MGMT: variants seen among roughly 807,000 people sequenced by gnomAD.
The protein encoded by MGMT is methylated-DNA--protein-cysteine methyltransferase.
Under a neutral mutation model 15.9 loss-of-function variants are expected in MGMT, and 14 were observed. The observed-to-expected ratio is 0.88, with a 90% CI of 0.58 to 1.37. The LOEUF is 1.37. MGMT is among the 40% of genes most tolerant of loss of function. The pLI is 0.00. For missense variants in MGMT, 282 were observed against 268.1 expected (o/e 1.05, Z -0.36); for synonymous variants, 130 against 118.2 (o/e 1.10, Z -0.65).
intron 2 of MGMT, among the ~76,000 whole-genome samples, chr10:129,705,705 A>G (rs534187107): frequency 2.6e-5 from 4 of 152,326 alleles, no homozygotes; most frequent in South Asian, 4.1e-4. Flanking sequence ...ACAGCCTCCA[A>G]TTCTGTGATA....
intron 1 of MGMT, among the ~76,000 whole-genome samples, chr10:129,491,886 T>G (rs1477337574): frequency 6.6e-6 from 1 of 152,214 alleles, no homozygotes; most frequent in Non-Finnish European, 1.5e-5. Flanking sequence ...ATTGTAATTA[T>G]TTTACACTTC....
At chr10:129,624,867 A>G (rs1167788359) in intron 2 of MGMT, among the ~76,000 whole-genome samples, 3 of 152,234 alleles carry the variant, frequency 2.0e-5, no homozygotes, top group African/African-American at 7.2e-5. Flanking sequence ...TGAAGCGGCT[A>G]TGTAAACGTG....
At chr10:129,750,365 A>C (rs779385312) in intron 3 of MGMT, among the ~76,000 whole-genome samples, 3 of 152,126 alleles carry the variant, frequency 2.0e-5, no homozygotes, top group Non-Finnish European at 4.4e-5. Flanking sequence ...TTAAAAGACT[A>C]TGCTTTCTCC....
chr10:129,699,161 T>G (rs1171835863), intron 2 of MGMT, among the ~76,000 whole-genome samples: 2 of 152,228 alleles, frequency 1.3e-5, no homozygotes, highest in Non-Finnish European at 2.9e-5. Flanking sequence ...TTTAATGATT[T>G]GAACATTTGG....
At chr10:129,486,408 C>T (rs574171848) in intron 1 of MGMT, among the ~76,000 whole-genome samples, 11 of 152,164 alleles carry the variant, frequency 7.2e-5, no homozygotes, top group Admixed American at 2.6e-4. Context: ...AGGCTATTCT[C>T]GAACTCTTGA....
At chr10:129,522,515 T>C (rs1845825189) in intron 1 of MGMT, among the ~76,000 whole-genome samples, 1 of 152,204 alleles carries the variant, frequency 6.6e-6, no homozygotes, top group South Asian at 2.1e-4. Flanking sequence ...AAGGGTTTGG[T>C]TGTTGAACCT....
intron 2 of MGMT, among the ~76,000 whole-genome samples, chr10:129,706,029 G>A (rs1162294634): frequency 3.3e-5 from 5 of 152,198 alleles, no homozygotes; most frequent in Non-Finnish European, 7.3e-5. Flanking sequence ...TGTTCTTACT[G>A]CTGCAGCCCT....
chr10:129,637,523 G>C (rs977309537), intron 2 of MGMT, among the ~76,000 whole-genome samples: 1 of 152,216 alleles, frequency 6.6e-6, no homozygotes, highest in Non-Finnish European at 1.5e-5. Flanking sequence ...TGAGGTAAGA[G>C]ATCTGCCTAG....
At chr10:129,491,321 CTTA>C (rs1035608394) in intron 1 of MGMT, among the ~76,000 whole-genome samples, 1 of 152,116 alleles carries the variant, frequency 6.6e-6, no homozygotes, top group African/African-American at 2.4e-5. Flanking sequence ...AGCTGTCAGT[CTTA>C]TTGTTGCACT....
chr10:129,721,652 C>T (rs1459646338), intron 3 of MGMT, among the ~76,000 whole-genome samples: 1 of 152,148 alleles, frequency 6.6e-6, no homozygotes. Context: ...AATGGAAATA[C>T]ATTGTTCTAA....
chr10:129,607,789 A>G (rs935831400), intron 2 of MGMT, among the ~76,000 whole-genome samples: 4 of 152,228 alleles, frequency 2.6e-5, no homozygotes, highest in African/African-American at 9.6e-5. Context: ...TTAGAAATAT[A>G]TCTGATGTTG....
intron 2 of MGMT, among the ~76,000 whole-genome samples, chr10:129,576,427 A>G (rs1466262370): frequency 2.0e-5 from 3 of 152,238 alleles, no homozygotes; most frequent in Non-Finnish European, 4.4e-5. Context: ...AGAACCAAAG[A>G]CAAAAACCAC....
chr10:129,668,898 A>G (rs1043347202), intron 2 of MGMT, among the ~76,000 whole-genome samples: 10 of 152,304 alleles, frequency 6.6e-5, no homozygotes, highest in East Asian at 3.9e-4. Flanking sequence ...TAAACATATT[A>G]TAGTCCTCCA....
intron 2 of MGMT, among the ~76,000 whole-genome samples, chr10:129,606,258 A>G (rs1846889351): frequency 6.6e-6 from 1 of 152,220 alleles, no homozygotes; most frequent in African/African-American, 2.4e-5. Flanking sequence ...ACGTGAGCAC[A>G]TCCTGCCTGC....
intron 2 of MGMT, among the ~76,000 whole-genome samples, chr10:129,589,332 C>T (rs188320874): frequency 1.5e-3 from 234 of 152,290 alleles, no homozygotes; most frequent in African/African-American, 5.1e-3. Context: ...CCCTTCATCA[C>T]GGGAGTGTGG....
chr10:129,569,362 G>A (rs1408965259), intron 2 of MGMT, among the ~76,000 whole-genome samples: 1 of 152,188 alleles, frequency 6.6e-6, no homozygotes, highest in Non-Finnish European at 1.5e-5. Context: ...TAGCCTGCGA[G>A]TGGCTCAGGC....
chr10:129,661,279 A>G (rs981632213), intron 2 of MGMT, among the ~76,000 whole-genome samples: 2 of 151,954 alleles, frequency 1.3e-5, no homozygotes, highest in Non-Finnish European at 2.9e-5. Context: ...GCTGTGTGCA[A>G]GTATTTCTGT....
rs979665684 is a variant in MGMT at position 129,520,891 on chromosome 10, A to T, written c.-12-15350A>T. Among the ~76,000 whole-genome samples, 46 of 151,238 alleles carry T rather than the reference A, an allele frequency of 3.0e-4. 2 individuals are homozygous for T. Among genetic ancestry groups the T allele is most frequent in the African/African-American group, 1.1e-3 (46 of 41,086 alleles). Reference sequence around the variant, plus strand: ...TACAGAGCCCCTACAGTGCGGGTGCAGAGCCCCTATGGTGTGCATACAGAA... The same window carrying T: ...TACAGAGCCCCTACAGTGCGGGTGCTGAGCCCCTATGGTGTGCATACAGAA... On this transcript the variant is annotated intron_variant, in intron 1 of 4. Transcript: ENST00000651593.
In MGMT at chr10:129,766,899, T is replaced by A. The variant is rs61752719; in HGVS notation, c.526T>A (p.Leu176Met). 1.9e-6 allele frequency: 3 copies of A among 1,613,368 alleles called. No homozygotes were observed. Among genetic ancestry groups the A allele is most frequent in the Admixed American group, 1.7e-5 (1 of 60,002 alleles). ...GCTTCTGGCCCATGAAGGCCACCGG[T>A]TGGGGAAGCCAGGCTTGGGAGGGAG... ...EWLLAHEGHRLGKPGLGGSSG... is the reference protein window; with the variant it reads ...EWLLAHEGHRMGKPGLGGSSG... The change falls in exon 5 of 5, where the codon TTG (leucine) becomes ATG (methionine). Residue 176 changes from leucine (L) to methionine (M), a missense_variant. By Grantham distance (15) the Leu-to-Met change is conservative (BLOSUM62 2). Coordinates refer to ENST00000651593, the MANE Select transcript of MGMT (RefSeq NM_002412.5).
Sources: allele counts gnomAD v4.1 joint callset (sites outside exome capture counted in the v4.1 genomes callset), GRCh38; gene constraint gnomAD v4.1.1; transcripts MANE v1.5; gene names NCBI Gene and HGNC (gene_info 2026-07-23, HGNC 2026-07-21).